SOX5: variants seen among roughly 807,000 people sequenced by gnomAD.
SOX5 encodes transcription factor SOX-5.
In SOX5, 9 loss-of-function variants were observed where a neutral mutation model predicts 92.0. The ratio of observed to expected loss-of-function variants is 0.10; its 90% CI spans 0.06 to 0.17. The LOEUF is 0.17. Among genes scored for constraint, SOX5 ranks in the 10% least tolerant of loss-of-function variants. The pLI, the probability that SOX5 is intolerant of heterozygous loss-of-function variation, is 1.00. For synonymous variants in SOX5, 344 were observed against 336.3 expected, an observed-to-expected ratio of 1.02 and a Z score of -0.25; for missense variants, 642 against 944.5, an observed-to-expected ratio of 0.68 and a Z score of 4.20.
chr12:23,964,378 C>T (rs1947305506), intron 4 of SOX5, among the ~76,000 whole-genome samples: 2 of 152,128 alleles, frequency 1.3e-5, no homozygotes, highest in African/African-American at 4.8e-5. Flanking sequence ...TTAATATCCC[C>T]TTCATTTACT....
At chr12:23,983,759 A>C (rs1041206271) in intron 4 of SOX5, among the ~76,000 whole-genome samples, 13 of 152,162 alleles carry the variant, frequency 8.5e-5, no homozygotes, top group Non-Finnish European at 1.5e-5. Context: ...GAGAACTTAC[A>C]AACCAGATTT....
intron 3 of SOX5, among the ~76,000 whole-genome samples, chr12:23,781,876 A>C (rs999494067): frequency 6.6e-6 from 1 of 152,168 alleles, no homozygotes; most frequent in African/African-American, 2.4e-5. Flanking sequence ...TATTTAGGTG[A>C]AGTTATATAG....
intron 1 of SOX5, among the ~76,000 whole-genome samples, chr12:24,428,707 A>G (rs1432324824): frequency 1.5e-5 from 2 of 137,904 alleles, no homozygotes; most frequent in Non-Finnish European, 3.1e-5. Context: ...CCTGGGCAAC[A>G]GAGTGAGACT....
At chr12:24,162,735 C>A (rs1952903776) in intron 4 of SOX5, among the ~76,000 whole-genome samples, 1 of 151,990 alleles carries the variant, frequency 6.6e-6, no homozygotes, top group Non-Finnish European at 1.5e-5. Flanking sequence ...TTTTTTACTC[C>A]CCTTTTCTCT....
At chr12:24,163,862 T>C (rs886923553) in intron 4 of SOX5, among the ~76,000 whole-genome samples, 1 of 152,034 alleles carries the variant, frequency 6.6e-6, no homozygotes, top group African/African-American at 2.4e-5. Flanking sequence ...TTTCTCTCTA[T>C]ATCCCCAGGC....
At chr12:23,682,038 T>G (rs2086708565) in intron 6 of SOX5, among the ~76,000 whole-genome samples, 1 of 151,216 alleles carries the variant, frequency 6.6e-6, no homozygotes, top group South Asian at 2.1e-4. Flanking sequence ...AAAAAAAAAA[T>G]TTAGGTGATA....
At chr12:24,138,255 G>A (rs1020392736) in intron 4 of SOX5, among the ~76,000 whole-genome samples, 2 of 152,224 alleles carry the variant, frequency 1.3e-5, no homozygotes, top group Admixed American at 1.3e-4. Context: ...TTTAGCAGAA[G>A]TACGAAAGCA....
At chr12:23,569,613 G>A (rs936154000) in intron 10 of SOX5, among the ~76,000 whole-genome samples, 2 of 152,136 alleles carry the variant, frequency 1.3e-5, no homozygotes, top group Non-Finnish European at 2.9e-5. Context: ...TCTCTCATGT[G>A]TCCTGCGTTT....
rs760121498 is a variant in SOX5 at position 23,534,178 on chromosome 12, CTTCTT to C, written c.*36_*40del. 1 of 1,565,324 alleles carries C rather than the reference CTTCTT, an allele frequency of 6.4e-7. No individual in the cohort carries two copies. The highest frequency in any genetic ancestry group is 8.7e-7 in the Non-Finnish European group (1 of 1,144,320). On this transcript the variant is annotated 3_prime_UTR_variant, in exon 15 of 15. Transcript: ENST00000451604. Reference sequence around the variant, plus strand: ...ACTGGTAAGGATGAACCAGTTAGGGCTTCTTTAAGTCCTAAGGTCACAACAATCTT... The same window carrying C: ...ACTGGTAAGGATGAACCAGTTAGGGCTAAGTCCTAAGGTCACAACAATCTT...
intron 3 of SOX5, among the ~76,000 whole-genome samples, chr12:23,844,162 T>A (rs887594856): frequency 4.6e-5 from 7 of 152,212 alleles, no homozygotes; most frequent in Non-Finnish European, 1.0e-4. Context: ...CTGTGGAGTA[T>A]CATTGTTTAC....
At chr12:23,805,943 T>C (rs1411579693) in intron 3 of SOX5, among the ~76,000 whole-genome samples, 1 of 152,174 alleles carries the variant, frequency 6.6e-6, no homozygotes, top group East Asian at 1.9e-4. Flanking sequence ...CTTCTAGGGG[T>C]AGTGCAGATA....
chr12:23,842,908 G>A (rs1018147697), intron 3 of SOX5, among the ~76,000 whole-genome samples: 1 of 152,118 alleles, frequency 6.6e-6, no homozygotes, highest in Non-Finnish European at 1.5e-5. Flanking sequence ...CAAACAGTAT[G>A]GTGTAGAAAG....
At chr12:24,308,947 C>A (rs1948890407) in intron 2 of SOX5, among the ~76,000 whole-genome samples, 1 of 152,028 alleles carries the variant, frequency 6.6e-6, no homozygotes, top group Non-Finnish European at 1.5e-5. Flanking sequence ...TAATCCCATA[C>A]CATTTTGTAC....
chr12:24,560,246 A>G (rs1335726567), intron 1 of SOX5, among the ~76,000 whole-genome samples: 1 of 152,212 alleles, frequency 6.6e-6, no homozygotes, highest in Non-Finnish European at 1.5e-5. Flanking sequence ...CTAAATAATT[A>G]TGCACATCCC....
At chr12:23,628,831 G>T (rs2078171073) in intron 8 of SOX5, among the ~76,000 whole-genome samples, 1 of 151,398 alleles carries the variant, frequency 6.6e-6, no homozygotes, top group African/African-American at 2.4e-5. Flanking sequence ...TTTTCTGTAG[G>T]AATCAAATAG....
At chr12:23,597,703 C>T (rs746244571) in intron 9 of SOX5, among the ~76,000 whole-genome samples, 2 of 152,056 alleles carry the variant, frequency 1.3e-5, no homozygotes, top group Non-Finnish European at 2.9e-5. Context: ...ATGAATTCAC[C>T]TCTTGAGTAT....
intron 2 of SOX5, among the ~76,000 whole-genome samples, chr12:23,893,289 T>C (rs751364988): frequency 2.6e-5 from 4 of 151,950 alleles, no homozygotes; most frequent in Non-Finnish European, 5.9e-5. Context: ...CTATTAAAAA[T>C]ATAAAAATTA....
chr12:23,553,319 A>G (rs1396269018), intron 11 of SOX5, among the ~76,000 whole-genome samples: 1 of 152,020 alleles, frequency 6.6e-6, no homozygotes, highest in Non-Finnish European at 1.5e-5. Context: ...CCCATTCAAC[A>G]TTATGAATTT....
At chr12:24,425,512 G>A (rs907464537) in intron 1 of SOX5, among the ~76,000 whole-genome samples, 3 of 152,174 alleles carry the variant, frequency 2.0e-5, no homozygotes, top group African/African-American at 7.2e-5. Flanking sequence ...TGCAAAGCTG[G>A]CATAACATTA....
Sources: allele counts gnomAD v4.1 joint callset (sites outside exome capture counted in the v4.1 genomes callset), GRCh38; gene constraint gnomAD v4.1.1; transcripts MANE v1.5; gene names NCBI Gene and HGNC (gene_info 2026-07-23, HGNC 2026-07-21).